Variants in FEM1B observed in about 807,000 individuals in gnomAD.
FEM1B encodes the protein fem-1 homolog B.
In FEM1B, 10 loss-of-function variants were observed where a neutral mutation model predicts 38.6. The ratio of observed to expected loss-of-function variants is 0.26; its 90% CI spans 0.16 to 0.44. The LOEUF (loss-of-function observed/expected upper bound fraction) is 0.44, where lower values mean the gene tolerates loss of function less well. FEM1B is among the 20% of genes least tolerant of loss of function. The pLI is 1.00. For synonymous variants in FEM1B, 288 were observed against 288.0 expected (o/e 1.00, Z 0.00); for missense variants, 471 against 786.7 (o/e 0.60, Z 4.80).
rs1340857510 is a variant in FEM1B at position 68,280,423 on chromosome 15, A to G, written c.248+1758A>G. On this transcript the variant is annotated intron_variant, in intron 1 of 1. Coordinates refer to ENST00000306917, the MANE Select transcript of FEM1B (RefSeq NM_015322.5). The surrounding 1 kb of genome is among the most constrained non-coding windows in gnomAD (Gnocchi z 4.2). ...CAGTCTGGGTGGGGGGAGAGAAATT[A>G]ATAACACAAATGAGTATTTGCAGAT... The G allele has an allele frequency of 6.6e-6, 1 of 152,296 alleles. No individual in the cohort carries two copies. The highest frequency in any genetic ancestry group is 1.5e-5 in the Non-Finnish European group (1 of 68,100). The allele number at this position is 152,296 out of a possible 1,614,324, so 9.4% of individuals were successfully genotyped here. A position where few individuals can be genotyped will look rare whatever the true frequency, so the allele number is the denominator to read the frequency against.
In FEM1B at chr15:68,289,995, A is replaced by C; in HGVS notation, c.637A>C (p.Ile213Leu). The C allele has an allele frequency of 6.2e-7, 1 of 1,614,216 alleles. No individual in the cohort carries two copies. The highest frequency in any genetic ancestry group is 1.3e-5 in the African/African-American group (1 of 75,062). Residue 213 changes from isoleucine (I) to leucine (L), a missense_variant, in exon 2 of 2, where the codon ATA becomes CTA. Around this residue, in one of 3 missense-constraint regions of FEM1B, gnomAD observed 380 missense variants for 599.6 expected, o/e 0.63. Coordinates refer to ENST00000306917, the MANE Select transcript of FEM1B (RefSeq NM_015322.5). This position sits in a 1 kb window ranked among gnomAD's most constrained non-coding sequence, Gnocchi z 6.9. ...VKELIKWRAA[I>L]VVNGHGMTPL... The stretch of plus-strand genomic sequence containing the variant: ...AGAGCTGATAAAATGGCGTGCTGCT[A>C]TAGTAGTGAATGGCCATGGGATGAC...
chr15:68,290,483 A>G lies in FEM1B; in HGVS notation c.1125A>G (p.Gln375=). 1 of 1,614,194 alleles carries G rather than the reference A, an allele frequency of 6.2e-7. No individual in the cohort carries two copies. The highest frequency in any genetic ancestry group is 1.1e-5 in the South Asian group (1 of 91,076). The change falls in exon 2 of 2, where the codon CAA becomes CAG. Residue 375 remains glutamine, a synonymous_variant. Transcript: ENST00000306917. The surrounding 1 kb of genome is among the most constrained non-coding windows in gnomAD (Gnocchi z 9.7). ...KLWLHALHLR[Q]KGNRNTHKDL... ...GGCTTCATGCCCTGCACCTCAGACA[A>G]AAAGGTAACAGGAACACCCACAAGG... is the stretch of plus-strand genomic sequence containing the variant.
At position 68,293,252 on chromosome 15, in the gene FEM1B, A is replaced by G. The variant is rs1892866021; in HGVS notation, c.*2010A>G. ...AAACTACAAGGCCTGCTTATTGGAC[A>G]GTCTAAGGAATAGCTTTGATACTTG... On this transcript the variant is annotated 3_prime_UTR_variant, in exon 2 of 2. Transcript: ENST00000306917. The surrounding 1 kb of genome is among the most constrained non-coding windows in gnomAD (Gnocchi z 5.8). 1 of 152,198 alleles carries G rather than the reference A, an allele frequency of 6.6e-6. No individual in the cohort carries two copies. Among genetic ancestry groups the G allele is most frequent in the South Asian group, 2.1e-4 (1 of 4,828 alleles). The allele number at this position is 152,198 out of a possible 1,614,324, so 9.4% of individuals were successfully genotyped here.
chr15:68,287,588 T>C (rs1892803233), intron 1 of FEM1B, among the ~76,000 whole-genome samples: 1 of 152,226 alleles, frequency 6.6e-6, no homozygotes, highest in African/African-American at 2.4e-5. Context: ...TGATGTTAAC[T>C]GGGGTTAAAC....
Position 68,284,952 on chromosome 15 carries a change from T to A in FEM1B, c.249-4655T>A, listed in dbSNP as rs1235921774. Among the ~76,000 whole-genome samples, 1 of 152,254 alleles carries A rather than the reference T, an allele frequency of 6.6e-6. No homozygotes were observed. The highest frequency in any genetic ancestry group is 2.4e-5 in the African/African-American group (1 of 41,466). ...TGCTCCTTGCCTTCTGCCATGATTG[T>A]GAAGCCTCCCCACCCATGTGGAACT... On this transcript the variant is annotated intron_variant, in intron 1 of 1. Transcript: ENST00000306917. The surrounding 1 kb of genome is among the most constrained non-coding windows in gnomAD (Gnocchi z 4.4).
chr15:68,287,969 ATAGGCGTGTGC>A (rs569891439), intron 1 of FEM1B, among the ~76,000 whole-genome samples: 2 of 150,376 alleles, frequency 1.3e-5, no homozygotes. Context: ...ATCTGGGATT[ATAGGCGTGTGC>A]CACCATGCCC....
intron 1 of FEM1B, among the ~76,000 whole-genome samples, chr15:68,279,793 G>A (rs1380394442): frequency 6.6e-6 from 1 of 152,164 alleles, no homozygotes; most frequent in Non-Finnish European, 1.5e-5. Context: ...AATATTCATA[G>A]CATTACATCT....
rs886514357 is a variant in FEM1B at position 68,289,321 on chromosome 15, G to A, written c.249-286G>A. The A allele has an allele frequency of 6.3e-6, 2 of 318,318 alleles. No homozygotes were observed. The highest frequency in any genetic ancestry group is 4.3e-5 in the African/African-American group (2 of 46,830). The allele number at this position is 318,318 out of a possible 1,614,324, so 19.7% of individuals were successfully genotyped here. On this transcript the variant is annotated intron_variant, in intron 1 of 1. Coordinates refer to ENST00000306917, the MANE Select transcript of FEM1B (RefSeq NM_015322.5). The surrounding 1 kb of genome is among the most constrained non-coding windows in gnomAD (Gnocchi z 6.9). ...ACGCATTTCCTCTGTGCCTTCTGAA[G>A]TGTCTTTACTTTTGCTAGTAGAAAG...
chr15:68,279,115 G>T (rs1292948271), intron 1 of FEM1B, among the ~76,000 whole-genome samples: 3 of 152,196 alleles, frequency 2.0e-5, no homozygotes, highest in African/African-American at 7.2e-5. Context: ...GAGTGGTTCC[G>T]TAAAACCTTC....
At chr15:68,279,945 C>T (rs1892708123) in intron 1 of FEM1B, 3 of 152,178 alleles carry the variant, frequency 2.0e-5, no homozygotes, top group South Asian at 4.1e-4. Context: ...CGTGTCTTCT[C>T]TGTAACTCCT....
Position 68,278,267 on chromosome 15 carries a change from C to T in FEM1B, c.-151C>T, listed in dbSNP as rs1196288119. 3.7e-5 allele frequency: 38 copies of T among 1,028,650 alleles called. No individual in the cohort carries two copies. The East Asian group carries it at 9.7e-4, about 26-fold the overall frequency. 63.7% of individuals were successfully genotyped at this position (1,028,650 alleles called of 1,614,324 possible). On this transcript the variant is annotated 5_prime_UTR_variant, in exon 1 of 2. Transcript: ENST00000306917. The surrounding 1 kb of genome is among the most constrained non-coding windows in gnomAD (Gnocchi z 5.7). ...CCTCTGCGTCTCCGCCTTCCCTGGG[C>T]CGCACTGCTGCCTGGGCGCGGCGGC...
chr15:68,278,793 T>A lies in FEM1B; in HGVS notation c.248+128T>A, dbSNP rs1284966532. On this transcript the variant is annotated intron_variant, in intron 1 of 1. Transcript: ENST00000306917. This position sits in a 1 kb window ranked among gnomAD's most constrained non-coding sequence, Gnocchi z 5.7. ...TCACTTCTCCCCTTTTTGTACCACC[T>A]CCTGCCCCACTAATGCCCACTTCAT... The A allele has an allele frequency of 1.9e-6, 2 of 1,072,106 alleles. No individual in the cohort carries two copies. Among genetic ancestry groups the A allele is most frequent in the African/African-American group, 3.1e-5 (2 of 63,800 alleles). The allele number at this position is 1,072,106 out of a possible 1,614,324, so 66.4% of individuals were successfully genotyped here.
In FEM1B at chr15:68,289,052, T is replaced by C. The variant is rs7174574; in HGVS notation, c.249-555T>C. 0.28 allele frequency among the ~76,000 whole-genome samples: 43,012 copies of C among 152,092 alleles called. 6,542 individuals are homozygous for C. The highest frequency in any genetic ancestry group is 0.34 in the Non-Finnish European group (22,858 of 67,964). On this transcript the variant is annotated intron_variant, in intron 1 of 1. Transcript: ENST00000306917. The surrounding 1 kb of genome is among the most constrained non-coding windows in gnomAD (Gnocchi z 6.9). ...ATCAGGTTTATGTTATCTGTTCATA[T>C]TGTGTGTGGAGCAGTAATTATTTCA...
rs1439090869 is a variant in FEM1B, at chr15:68,278,769, C to T, written c.248+104C>T. The T allele has an allele frequency of 1.5e-6, 2 of 1,320,884 alleles. No individual in the cohort carries two copies. Among genetic ancestry groups the T allele is most frequent in the African/African-American group, 2.9e-5 (2 of 69,098 alleles). 81.8% of individuals were successfully genotyped at this position (1,320,884 alleles called of 1,614,324 possible). ...CTTACCCTCTCTTCATGTAGGTACT[C>T]ACTTCTCCCCTTTTTGTACCACCTC... is the stretch of plus-strand genomic sequence containing the variant. On this transcript the variant is annotated intron_variant, in intron 1 of 1. Coordinates refer to ENST00000306917, the MANE Select transcript of FEM1B (RefSeq NM_015322.5). The surrounding 1 kb of genome is among the most constrained non-coding windows in gnomAD (Gnocchi z 5.7).
Position 68,278,698 on chromosome 15 carries a change from G to C in FEM1B, c.248+33G>C, listed in dbSNP as rs377458193. ...CATCCCAAGCCAGCCTCTCTCCGAC[G>C]CGCGCGGACTCGTTAATTCACGGGC... On this transcript the variant is annotated intron_variant, in intron 1 of 1. Coordinates refer to ENST00000306917, the MANE Select transcript of FEM1B (RefSeq NM_015322.5). This position sits in a 1 kb window ranked among gnomAD's most constrained non-coding sequence, Gnocchi z 5.7. The C allele has an allele frequency of 7.9e-4, 1,266 of 1,609,878 alleles. No individual in the cohort carries two copies. Among genetic ancestry groups the C allele is most frequent in the Non-Finnish European group, 1.0e-3 (1,174 of 1,176,754 alleles).
chr15:68,290,606 G>C lies in FEM1B; in HGVS notation c.1248G>C (p.Leu416Phe), dbSNP rs1170408481. 1 of 1,614,172 alleles carries C rather than the reference G, an allele frequency of 6.2e-7. No individual in the cohort carries two copies. Among genetic ancestry groups the C allele is most frequent in the South Asian group, 1.1e-5 (1 of 91,084 alleles). The change falls in exon 2 of 2, where the codon TTG (leucine) becomes TTC (phenylalanine). Residue 416 changes from leucine to phenylalanine, a missense_variant. Coordinates refer to ENST00000306917, the MANE Select transcript of FEM1B (RefSeq NM_015322.5). The surrounding 1 kb of genome is among the most constrained non-coding windows in gnomAD (Gnocchi z 9.7). ...AATGTGTTTTGAGATGCAGTGTTTT[G>C]GAAATAGAACAAAGTATGAACAGAG... The part of the protein sequence containing the change: ...DIECVLRCSV[L>F]EIEQSMNRVK...
Position 68,278,160 on chromosome 15 carries a change from C to T in FEM1B, c.-258C>T, listed in dbSNP as rs988684907. On this transcript the variant is annotated 5_prime_UTR_variant, in exon 1 of 2. Coordinates refer to ENST00000306917, the MANE Select transcript of FEM1B (RefSeq NM_015322.5). This position sits in a 1 kb window ranked among gnomAD's most constrained non-coding sequence, Gnocchi z 5.7. ...AGATCCCCTCGGTCCAGGGCCGGCG[C>T]CTGGGACCTGGCGGGCGGCCCTGAC... 4 of 436,710 alleles carry T rather than the reference C, an allele frequency of 9.2e-6. No homozygotes were observed. Among genetic ancestry groups the T allele is most frequent in the South Asian group, 5.4e-5 (2 of 37,178 alleles). The allele number at this position is 436,710 out of a possible 1,614,324, so 27.1% of individuals were successfully genotyped here. A position where few individuals can be genotyped will look rare whatever the true frequency, so the allele number is the denominator to read the frequency against.
chr15:68,294,575 T>TAAGC lies in FEM1B; in HGVS notation c.*3335_*3338dup, dbSNP rs1892883768. On this transcript the variant is annotated 3_prime_UTR_variant, in exon 2 of 2. Coordinates refer to ENST00000306917, the MANE Select transcript of FEM1B (RefSeq NM_015322.5). This position sits in a 1 kb window ranked among gnomAD's most constrained non-coding sequence, Gnocchi z 4.4. ...ATGAATAAGACCACTTTGGGTTATT[T>TAAGC]AAGCAGAAGCGTTTCTTTTTTTTTT... 6.6e-6 allele frequency: 1 copy of TAAGC among 152,006 alleles called. No individual in the cohort carries two copies. Among genetic ancestry groups the TAAGC allele is most frequent in the East Asian group, 1.9e-4 (1 of 5,198 alleles). The allele number at this position is 152,006 out of a possible 1,614,324, so 9.4% of individuals were successfully genotyped here.
chr15:68,281,785 T>C lies in FEM1B; in HGVS notation c.248+3120T>C, dbSNP rs1595839643. 6.6e-6 allele frequency among the ~76,000 whole-genome samples: 1 copy of C among 151,080 alleles called. No homozygotes were observed. Among genetic ancestry groups the C allele is most frequent in the South Asian group, 2.1e-4 (1 of 4,830 alleles). ...GGTGCCCACAACCATGCCTGGCTATTTTTTGTATTTTTAGTAGAGACGGTT... is the reference window on the plus strand; with the variant it reads ...GGTGCCCACAACCATGCCTGGCTATCTTTTGTATTTTTAGTAGAGACGGTT... On this transcript the variant is annotated intron_variant, in intron 1 of 1. Coordinates refer to ENST00000306917, the MANE Select transcript of FEM1B (RefSeq NM_015322.5). The surrounding 1 kb of genome is among the most constrained non-coding windows in gnomAD (Gnocchi z 5.1).
Sources: allele counts gnomAD v4.1 joint callset (sites outside exome capture counted in the v4.1 genomes callset), GRCh38; gene constraint gnomAD v4.1.1; regional missense constraint gnomAD v4.1.1; non-coding constraint Gnocchi (gnomAD v3.1); transcripts MANE v1.5; gene names NCBI Gene and HGNC (gene_info 2026-07-23, HGNC 2026-07-21).